Variants in UBA3 observed in about 807,000 individuals in gnomAD.
UBA3 encodes the protein ubiquitin like modifier activating enzyme 3, also known as NEDD8-activating enzyme E1 catalytic subunit.
A neutral mutation model predicts 73.5 loss-of-function variants in UBA3; 26 were observed. That is an observed-to-expected ratio of 0.35 (90% CI 0.26 to 0.49). The LOEUF is 0.49. Among genes scored for constraint, UBA3 ranks in the 20% least tolerant of loss-of-function variants. UBA3 has a pLI of 0.98. For missense variants in UBA3, 495 were observed against 555.6 expected, an observed-to-expected ratio of 0.89 and a Z score of 1.10; for synonymous variants, 217 against 191.2, an observed-to-expected ratio of 1.13 and a Z score of -1.11.
At chr3:69,069,526 C>T (rs1182521819) in intron 5 of UBA3, among the ~76,000 whole-genome samples, 2 of 152,210 alleles carry the variant, frequency 1.3e-5, no homozygotes, top group Admixed American at 6.5e-5. Flanking sequence ...AGGGTTTCAC[C>T]GTGTTGGCCG....
At chr3:69,068,946 G>A (rs552284368) in intron 5 of UBA3, among the ~76,000 whole-genome samples, 22 of 152,286 alleles carry the variant, frequency 1.4e-4, no homozygotes, top group Admixed American at 1.2e-3. Flanking sequence ...CACAGAAGCT[G>A]AATATATAAG....
intron 2 of UBA3, chr3:69,079,789 G>A: frequency 2.6e-6 from 1 of 382,246 alleles, no homozygotes. Flanking sequence ...TTTTCACAGG[G>A]TCACTGCTCT....
rs775509839 is a variant in UBA3 at position 69,077,892 on chromosome 3, T to C, written c.89A>G (p.Asp30Gly). 6.2e-7 allele frequency: 1 copy of C among 1,613,954 alleles called. No homozygotes were observed. Among genetic ancestry groups the C allele is most frequent in the South Asian group, 1.1e-5 (1 of 91,082 alleles). The change falls in exon 3 of 18, where the codon GAC (aspartate) becomes GGC (glycine). Residue 30 changes from aspartate (D) to glycine (G), a missense_variant. By Grantham distance (94) the Asp-to-Gly change is moderately conservative (BLOSUM62 -1). Transcript: ENST00000361055. ...CCAGCGACCTTCCCAGTCTCCAGTG[T>C]CCCCACACCCACCATCAACAGCCAT... ...EKMAVDGGCG[D>G]TGDWEGRWNH...
At chr3:69,059,564 C>T (rs564325098) in intron 11 of UBA3, among the ~76,000 whole-genome samples, 18 of 151,998 alleles carry the variant, frequency 1.2e-4, no homozygotes, top group Admixed American at 1.2e-3. Context: ...AAACACCATC[C>T]CCGGCGTAGG....
intron 11 of UBA3, among the ~76,000 whole-genome samples, chr3:69,059,000 T>C (rs1182073302): frequency 1.3e-5 from 2 of 152,210 alleles, no homozygotes; most frequent in African/African-American, 2.4e-5. Flanking sequence ...CTGAATTCGT[T>C]TGTTAATTCT....
chr3:69,066,566 C>CTGTGCCCGG (rs2092073735), intron 6 of UBA3, among the ~76,000 whole-genome samples: 1 of 152,098 alleles, frequency 6.6e-6, no homozygotes, highest in Admixed American at 6.5e-5. Context: ...ACCTCAGCCT[C>CTGTGCCCGG]CTGAGTAGCT....
In UBA3 at chr3:69,071,590, C is replaced by G. The variant is rs1357424852; in HGVS notation, c.292G>C (p.Val98Leu). 1.9e-6 allele frequency: 3 copies of G among 1,562,054 alleles called. No individual in the cohort carries two copies. The highest frequency in any genetic ancestry group is 1.7e-6 in the Non-Finnish European group (2 of 1,163,894). Reference protein sequence around the residue: ...LALSGFRQIHVIDMDTIDVSN... With the variant: ...LALSGFRQIHLIDMDTIDVSN... ...ACATCTATAGTGTCCATATCTATAA[C>G]ATGAATCTGTCTAAAACCAGACAAG... The change falls in exon 5 of 18, where the codon GTT (valine) becomes CTT (leucine). Residue 98 changes from valine (V) to leucine (L), a missense_variant. Coordinates refer to ENST00000361055, the MANE Select transcript of UBA3 (RefSeq NM_003968.4).
chr3:69,079,669 A>C, intron 2 of UBA3: 1 of 175,796 alleles, frequency 5.7e-6, no homozygotes, highest in South Asian at 1.3e-4. Context: ...ACAATACCTG[A>C]CATGTAGAGT....
At chr3:69,064,506 T>C (rs2092050852) in intron 6 of UBA3, among the ~76,000 whole-genome samples, 1 of 152,252 alleles carries the variant, frequency 6.6e-6, no homozygotes, top group Non-Finnish European at 1.5e-5. Flanking sequence ...TTATAGTTCC[T>C]ATTTTGCTAG....
chr3:69,073,031 A>G (rs777314516), intron 4 of UBA3, among the ~76,000 whole-genome samples: 7 of 152,172 alleles, frequency 4.6e-5, no homozygotes, highest in Admixed American at 6.5e-5. Flanking sequence ...CTAGAGGACT[A>G]TAATAATCTA....
Position 69,080,329 on chromosome 3 carries a change from C to G in UBA3, c.20+5G>C. On this transcript the variant is annotated splice_donor_5th_base_variant and intron_variant, in intron 1 of 17. Coordinates refer to ENST00000361055, the MANE Select transcript of UBA3 (RefSeq NM_003968.4). Reference sequence around the variant, plus strand: ...CCGGCGCGTCTGCAGAGCCCCGGTACTTACGGCTCCTCGCCATCCGCCATA... The same window carrying G: ...CCGGCGCGTCTGCAGAGCCCCGGTAGTTACGGCTCCTCGCCATCCGCCATA... 1 of 1,601,162 alleles carries G rather than the reference C, an allele frequency of 6.2e-7. No homozygotes were observed. Among genetic ancestry groups the G allele is most frequent in the Non-Finnish European group, 8.5e-7 (1 of 1,175,968 alleles).
Position 69,075,527 on chromosome 3 carries a change from G to C in UBA3, c.184-17C>G. On this transcript the variant is annotated splice_polypyrimidine_tract_variant and intron_variant, in intron 3 of 17. Coordinates refer to ENST00000361055, the MANE Select transcript of UBA3 (RefSeq NM_003968.4). ...CTGGAGAGACTGTAAAGAATGGAAA[G>C]GCATATTAAAAGCTGGGTGATAACC... The C allele has an allele frequency of 6.7e-7, 1 of 1,498,010 alleles. No individual in the cohort carries two copies. Among genetic ancestry groups the C allele is most frequent in the Non-Finnish European group, 8.9e-7 (1 of 1,120,122 alleles). 92.8% of individuals were successfully genotyped at this position (1,498,010 alleles called of 1,614,324 possible).
intron 14 of UBA3, 157 bp downstream of exon 14, chr3:69,056,455 C>T (rs776024232): frequency 2.2e-4 from 184 of 846,766 alleles, no homozygotes; most frequent in Non-Finnish European, 3.0e-4. Flanking sequence ...TAAATTACTT[C>T]GCTATAGAGT....
Position 69,063,519 on chromosome 3 carries a change from A to G in UBA3, c.473-16T>C. The stretch of plus-strand genomic sequence containing the variant: ...ATATGAAATTCTACAAAAAAAAAAA[A>G]AAGCAACTTTAGTTTTTAAATATGT... On this transcript the variant is annotated splice_polypyrimidine_tract_variant and intron_variant, in intron 7 of 17. Transcript: ENST00000361055. The G allele has an allele frequency of 6.4e-7, 1 of 1,560,930 alleles. No individual in the cohort carries two copies. The highest frequency in any genetic ancestry group is 1.2e-5 in the South Asian group (1 of 81,256).
chr3:69,077,858 T>C lies in UBA3; in HGVS notation c.123A>G (p.Val41=). ...TGDWEGRWNH[V]KKFLERSGPF... is the part of the protein sequence containing the mutation. Reference sequence around the variant, plus strand: ...GTCCAGATCGCTCGAGGAACTTCTTTACATGGTTCCAGCGACCTTCCCAGT... The same window carrying C: ...GTCCAGATCGCTCGAGGAACTTCTTCACATGGTTCCAGCGACCTTCCCAGT... The change falls in exon 3 of 18, where the codon GTA becomes GTG. Residue 41 remains valine, a synonymous_variant. Transcript: ENST00000361055. The C allele has an allele frequency of 6.2e-7, 1 of 1,614,162 alleles. No individual in the cohort carries two copies. Among genetic ancestry groups the C allele is most frequent in the Non-Finnish European group, 8.5e-7 (1 of 1,180,010 alleles).
In UBA3 at chr3:69,056,163, C is replaced by T; in HGVS notation, c.1184+20G>A. ...CACAAAAATGATTTTTACAACATAA[C>T]AAAAATCTACAATACTTACAGAGAA... On this transcript the variant is annotated intron_variant, in intron 15 of 17. Coordinates refer to ENST00000361055, the MANE Select transcript of UBA3 (RefSeq NM_003968.4). 6.4e-7 allele frequency: 1 copy of T among 1,563,894 alleles called. No individual in the cohort carries two copies. The highest frequency in any genetic ancestry group is 8.6e-7 in the Non-Finnish European group (1 of 1,161,516).
intron 6 of UBA3, among the ~76,000 whole-genome samples, chr3:69,066,302 G>A (rs760611959): frequency 6.6e-6 from 1 of 152,060 alleles, no homozygotes; most frequent in Non-Finnish European, 1.5e-5. Context: ...AAGCAGCCAG[G>A]ACTCTGTAGT....
intron 4 of UBA3, among the ~76,000 whole-genome samples, chr3:69,074,669 AACTC>A (rs1466051403): frequency 3.3e-5 from 5 of 152,220 alleles, no homozygotes; most frequent in Middle Eastern, 3.2e-3. Flanking sequence ...CCTAGCATAC[AACTC>A]TAAACCAATT....
At chr3:69,064,203 C>A in intron 6 of UBA3, 92 bp from the exon 7 acceptor site, 1 of 967,196 alleles carries the variant, frequency 1.0e-6, no homozygotes, top group Non-Finnish European at 1.5e-6. Context: ...CATATATTTA[C>A]AACAAGAAAT....
Sources: gnomAD v4.1 joint callset for allele counts (sites outside exome capture counted in the v4.1 genomes callset) on GRCh38, gnomAD v4.1.1 for gene constraint, MANE v1.5 for transcripts, NCBI Gene and HGNC (gene_info 2026-07-23, HGNC 2026-07-21) for gene names.